The following MAPK14 variants were observed in gnomAD, a reference collection of about 807,000 sequenced individuals.
MAPK14 encodes the protein CSAID-binding protein.
A neutral mutation model predicts 49.6 loss-of-function variants in MAPK14; 16 were observed. That is an observed-to-expected ratio of 0.32 (90% CI 0.22 to 0.49). The LOEUF is 0.49. Among genes scored for constraint, MAPK14 ranks in the 20% least tolerant of loss-of-function variants. The pLI is 0.99. For synonymous variants in MAPK14, 142 were observed against 158.0 expected (o/e 0.90, Z 0.76); for missense variants, 200 against 441.2 (o/e 0.45, Z 4.90).
chr6:36,082,973 C>G (rs1764825697), intron 8 of MAPK14, among the ~76,000 whole-genome samples: 1 of 152,134 alleles, frequency 6.6e-6, no homozygotes, highest in Non-Finnish European at 1.5e-5. Flanking sequence ...TAATTAGTCT[C>G]CTTCTTGAAA....
chr6:36,107,427 T>C lies in MAPK14; in HGVS notation c.842-28T>C. 6.8e-7 allele frequency: 1 copy of C among 1,470,282 alleles called. No individual in the cohort carries two copies. The highest frequency in any genetic ancestry group is 9.1e-7 in the Non-Finnish European group (1 of 1,102,806). 91.1% of individuals were successfully genotyped at this position (1,470,282 alleles called of 1,614,324 possible). ...CTTTTTTGTAACATGTTAAAAACTC[T>C]TTTCCTTCCTGTCTATGGTACTGAT... is the stretch of plus-strand genomic sequence containing the variant. On this transcript the variant is annotated intron_variant, in intron 10 of 11. Coordinates refer to ENST00000229794, the MANE Select transcript of MAPK14 (RefSeq NM_139012.3). This position sits in a 1 kb window ranked among gnomAD's most constrained non-coding sequence, Gnocchi z 4.3.
intron 10 of MAPK14, among the ~76,000 whole-genome samples, chr6:36,105,427 T>G (rs1425971793): frequency 2.0e-5 from 3 of 152,164 alleles, no homozygotes; most frequent in Non-Finnish European, 2.9e-5. Flanking sequence ...TTTGAGGAAT[T>G]TGTTCTTGCC....
chr6:36,052,943 C>G, intron 2 of MAPK14, 115 bp downstream of exon 2: 2 of 818,582 alleles, frequency 2.4e-6, no homozygotes, highest in Admixed American at 3.0e-5. Context: ...GTCCCTGCTC[C>G]TTGTCCTGGG....
intron 9 of MAPK14, chr6:36,096,948 A>C (rs1182075841): frequency 1.3e-5 from 2 of 152,258 alleles, no homozygotes; most frequent in Non-Finnish European, 2.9e-5. Context: ...GTTGAACAAA[A>C]GAAAAAAAGA....
At chr6:36,043,999 G>A (rs373680565) in intron 1 of MAPK14, among the ~76,000 whole-genome samples, 2 of 151,320 alleles carry the variant, frequency 1.3e-5, no homozygotes, top group African/African-American at 4.9e-5. Flanking sequence ...TAGTAGAGAC[G>A]GGATTTCTCC....
the MAPK14 span, among the ~76,000 whole-genome samples, chr6:36,117,268 G>A: frequency 1.3e-5 from 2 of 152,186 alleles, no homozygotes; most frequent in African/African-American, 2.4e-5. Flanking sequence ...GCCAGCACTC[G>A]CTTTGTATGT....
At chr6:36,055,002 T>C (rs2127420434) in intron 2 of MAPK14, among the ~76,000 whole-genome samples, 1 of 152,360 alleles carries the variant, frequency 6.6e-6, no homozygotes, top group African/African-American at 2.4e-5. Flanking sequence ...TTGAATTGTC[T>C]CTTCTGTTAG....
chr6:36,102,670 C>T lies in MAPK14; in HGVS notation c.841+21C>T, dbSNP rs763996245. On this transcript the variant is annotated intron_variant, in intron 10 of 11. Coordinates refer to ENST00000229794, the MANE Select transcript of MAPK14 (RefSeq NM_139012.3). ...CCTGGGTAAGTTGACCATATATCCT[C>T]ACCTCATGGATATTGAATTGGTTAT... The T allele has an allele frequency of 1.9e-6, 3 of 1,610,702 alleles. No individual in the cohort carries two copies. In the Admixed American group the frequency reaches 5.0e-5, roughly 27 times the overall value.
chr6:36,117,306 G>C, the MAPK14 span, among the ~76,000 whole-genome samples: 1 of 152,202 alleles, frequency 6.6e-6, no homozygotes, highest in Non-Finnish European at 1.5e-5. Context: ...CTTCCCTCTG[G>C]CTCTCTATAG....
Position 36,027,872 on chromosome 6 carries a change from T to C in MAPK14, c.-286T>C, listed in dbSNP as rs185564627. On this transcript the variant is annotated 5_prime_UTR_variant, in exon 1 of 12. Transcript: ENST00000229794. ...CTGCGACGCAGCCCGGAGTCGGCCT[T>C]GTAGGGGCGAAGGTGCAGGGAGATC... The C allele has an allele frequency of 8.4e-4, 340 of 404,706 alleles. 1 individual carries two copies. The highest frequency in any genetic ancestry group is 6.2e-3 in the African/African-American group (303 of 48,770). The allele number at this position is 404,706 out of a possible 1,614,324, so 25.1% of individuals were successfully genotyped here.
rs895422069 is a variant in MAPK14, at chr6:36,059,501, A to G, written c.305+154A>G. Among the ~76,000 whole-genome samples, 9 of 152,116 alleles carry G rather than the reference A, an allele frequency of 5.9e-5. No individual in the cohort carries two copies. Among genetic ancestry groups the G allele is most frequent in the African/African-American group, 2.2e-4 (9 of 41,438 alleles). On this transcript the variant is annotated intron_variant, in intron 3 of 11. Transcript: ENST00000229794. ...TGGGTGTAGGGATGGATACCAGAAG[A>G]TGTATGTTATGGGTGGTGCGTGTTA... is the stretch of plus-strand genomic sequence containing the variant.
downstream of MAPK14, among the ~76,000 whole-genome samples, chr6:36,114,357 C>T (rs1029922937): frequency 6.6e-6 from 1 of 150,846 alleles, no homozygotes; most frequent in African/African-American, 2.4e-5. Context: ...TGGCTCATGC[C>T]TGTAATCCCA....
At chr6:36,054,007 T>TTTTTTTTTTTTTTTTTTTTTGAGACGG (rs1562112084) in intron 2 of MAPK14, among the ~76,000 whole-genome samples, 1 of 151,888 alleles carries the variant, frequency 6.6e-6, no homozygotes, top group African/African-American at 2.4e-5. Context: ...ACCAGAGTTT[T>TTTTTTTTTTTTTTTTTTTTTGAGACGG]AAGAATGTTC....
At chr6:36,038,251 A>T (rs1762827184) in intron 1 of MAPK14, among the ~76,000 whole-genome samples, 2 of 152,128 alleles carry the variant, frequency 1.3e-5, no homozygotes, top group Admixed American at 6.6e-5. Flanking sequence ...ATGGGTGAGG[A>T]TGTGATAACA....
In MAPK14 at chr6:36,102,588, G is replaced by A; in HGVS notation, c.780G>A (p.Gln260=). 5 of 1,613,452 alleles carry A rather than the reference G, an allele frequency of 3.1e-6. No individual in the cohort carries two copies. Among genetic ancestry groups the A allele is most frequent in the South Asian group, 1.1e-5 (1 of 90,816 alleles). The stretch of plus-strand genomic sequence containing the variant: ...TTTTTCAGGCAAGAAACTATATTCA[G>A]TCTTTGACTCAGATGCCGAAGATGA... ...ISSESARNYI[Q]SLTQMPKMNF... Residue 260 remains glutamine (Q), a synonymous_variant, in exon 10 of 12, where the codon CAG becomes CAA. Coordinates refer to ENST00000229794, the MANE Select transcript of MAPK14 (RefSeq NM_139012.3).
At chr6:36,067,531 G>A (rs1764107968) in intron 3 of MAPK14, among the ~76,000 whole-genome samples, 1 of 152,114 alleles carries the variant, frequency 6.6e-6, no homozygotes. Context: ...CATGCTCAGT[G>A]CTCTCTCCTT....
chr6:36,055,777 TA>T (rs1175550773), intron 2 of MAPK14, among the ~76,000 whole-genome samples: 425 of 138,384 alleles, frequency 3.1e-3, no homozygotes, highest in Middle Eastern at 0.011. Flanking sequence ...ATTATTATAT[TA>T]AAAAAAAAAA....
the MAPK14 span, among the ~76,000 whole-genome samples, chr6:36,122,523 CG>C: frequency 6.6e-6 from 1 of 152,184 alleles, no homozygotes. Flanking sequence ...CTTCCAGGTA[CG>C]TGGAATTCAG....
chr6:36,032,423 A>G (rs550672565), intron 1 of MAPK14, among the ~76,000 whole-genome samples: 1 of 152,324 alleles, frequency 6.6e-6, no homozygotes, highest in South Asian at 2.1e-4. Context: ...TTAAGAATAC[A>G]TTGTTGCAAA....
Sources: gnomAD v4.1 joint callset for allele counts (sites outside exome capture counted in the v4.1 genomes callset) on GRCh38, gnomAD v4.1.1 for gene constraint, Gnocchi (gnomAD v3.1) non-coding constraint, MANE v1.5 for transcripts, NCBI Gene and HGNC (gene_info 2026-07-23, HGNC 2026-07-21) for gene names.